The following SHROOM2 variants were observed in gnomAD, a reference collection of about 807,000 sequenced individuals.
The protein encoded by SHROOM2 is shroom family member 2.
A neutral mutation model predicts 75.9 loss-of-function variants in SHROOM2; 33 were observed. The ratio of observed to expected loss-of-function variants is 0.43; its 90% CI spans 0.33 to 0.58. SHROOM2 has a LOEUF of 0.58. Among genes scored for constraint, SHROOM2 ranks in the 20% least tolerant of loss-of-function variants. The pLI, the probability that SHROOM2 is intolerant of heterozygous loss-of-function variation, is 0.04. For missense variants in SHROOM2, 1,434 were observed against 1,461.2 expected (o/e 0.98, Z 0.30); for synonymous variants, 655 against 663.6 (o/e 0.99, Z 0.20).
intron 1 of SHROOM2, among the ~76,000 whole-genome samples, chrX:9,828,636 A>T (rs1407551289): frequency 9.3e-6 from 1 of 108,108 alleles, no homozygotes; most frequent in Non-Finnish European, 1.9e-5. Context: ...AGTTAATGTT[A>T]TTTTTTTTTG....
intron 5 of SHROOM2, among the ~76,000 whole-genome samples, chrX:9,928,952 A>ATC (rs1660489755): frequency 1.8e-5 from 2 of 112,807 alleles, no homozygotes; most frequent in South Asian, 7.3e-4. Context: ...TACAACATGC[A>ATC]TCTACACACA....
rs1234685192 is a variant in SHROOM2, at chrX:9,786,943, C to T, written c.165+233C>T. 2.7e-5 allele frequency among the ~76,000 whole-genome samples: 3 copies of T among 111,770 alleles called. No individual in the cohort carries two copies. In the East Asian group the frequency reaches 8.6e-4, roughly 32 times the overall value. Reference sequence around the variant, plus strand: ...CTCCTGCCCGGAGTCCCTTTCCCCTCCCCCTCCCTCCTCCGGGCAGGGGCC... The same window carrying T: ...CTCCTGCCCGGAGTCCCTTTCCCCTTCCCCTCCCTCCTCCGGGCAGGGGCC... On this transcript the variant is annotated intron_variant, in intron 1 of 9. Transcript: ENST00000380913.
At chrX:9,825,619 G>T (rs760619186) in intron 1 of SHROOM2, among the ~76,000 whole-genome samples, 1 of 112,213 alleles carries the variant, frequency 8.9e-6, no homozygotes, top group South Asian at 3.7e-4. Flanking sequence ...AGTCTGCACG[G>T]CCCTTGGGAA....
intron 5 of SHROOM2, among the ~76,000 whole-genome samples, chrX:9,914,550 A>T (rs2084469002): frequency 9.0e-6 from 1 of 111,087 alleles, no homozygotes; most frequent in African/African-American, 3.3e-5. Flanking sequence ...TTCCTAGAGC[A>T]AGTAAGACAG....
At chrX:9,877,613 C>CT (rs1184798627) in intron 2 of SHROOM2, among the ~76,000 whole-genome samples, 21 of 111,853 alleles carry the variant, frequency 1.9e-4, no homozygotes, top group African/African-American at 6.5e-4. Flanking sequence ...CTGGAGAGTC[C>CT]TGGGCAGGTC....
In SHROOM2 at chrX:9,935,709, C is replaced by T. The variant is rs2084696957; in HGVS notation, c.3588-1425C>T. Among the ~76,000 whole-genome samples the T allele has an allele frequency of 2.7e-5, 3 of 111,571 alleles. No individual in the cohort carries two copies. In the South Asian group the frequency reaches 1.1e-3, roughly 42 times the overall value. ...AGAGCCCTCCTGCATTCCCAGTCAC[C>T]AGTGAAAGAGGGAAAAACAGCATTA... On this transcript the variant is annotated intron_variant, in intron 6 of 9. Coordinates refer to ENST00000380913, the MANE Select transcript of SHROOM2 (RefSeq NM_001649.4).
chrX:9,845,742 T>C (rs2084002934), intron 1 of SHROOM2, among the ~76,000 whole-genome samples: 1 of 108,850 alleles, frequency 9.2e-6, no homozygotes, highest in African/African-American at 3.4e-5. Flanking sequence ...CAGTCCCTCT[T>C]CATGAGTTGA....
Position 9,926,347 on chromosome X carries a change from A to G in SHROOM2, c.2892-5828A>G, listed in dbSNP as rs749696715. Among the ~76,000 whole-genome samples the G allele has an allele frequency of 9.9e-5, 11 of 111,461 alleles. No homozygotes were observed. The East Asian group carries it at 2.8e-3, about 29-fold the overall frequency. ...AATCTTAAATGCTTCAAAGTTCAAAACTTTTTGAGCACCAACATGATGCCA... is the reference window on the plus strand; with the variant it reads ...AATCTTAAATGCTTCAAAGTTCAAAGCTTTTTGAGCACCAACATGATGCCA... On this transcript the variant is annotated intron_variant, in intron 5 of 9. Transcript: ENST00000380913.
At position 9,896,142 on chromosome X, in the gene SHROOM2, C is replaced by G; in HGVS notation, c.2234C>G (p.Pro745Arg). ...TCATCTACAAGTGGCGGGCCCCACC[C>G]GCCCCGCATCGGAGGCCGGAGACGG... ...PPSSTSGGPH[P>R]PRIGGRRRFT... The change falls in exon 4 of 10, where the codon CCG becomes CGG. Residue 745 changes from proline to arginine, a missense_variant. By Grantham distance (103) the Pro-to-Arg change is moderately radical. This residue lies in a region of SHROOM2 where 1,340 missense variants were observed against 1,338.3 expected (regional missense o/e 1.00). Coordinates refer to ENST00000380913, the MANE Select transcript of SHROOM2 (RefSeq NM_001649.4). The G allele has an allele frequency of 8.3e-7, 1 of 1,207,147 alleles. No individual in the cohort carries two copies.
Position 9,932,252 on chromosome X carries a change from C to T in SHROOM2, c.2969C>T (p.Pro990Leu), listed in dbSNP as rs757290738. ...HPPSQKAPNP[P>L]TFSELSHCRG... ...CCGAGTCAGAAGGCACCGAACCCAC[C>T]CACATTCTCTGAACTATCTCACTGC... Residue 990 changes from proline (P) to leucine (L), a missense_variant, in exon 6 of 10, where the codon CCC becomes CTC. This residue lies in a region of SHROOM2 where 1,340 missense variants were observed against 1,338.3 expected (regional missense o/e 1.00). Transcript: ENST00000380913. The T allele has an allele frequency of 8.4e-7, 1 of 1,186,456 alleles. No individual in the cohort carries two copies. Among genetic ancestry groups the T allele is most frequent in the South Asian group, 1.9e-5 (1 of 53,657 alleles).
At chrX:9,818,132 C>T (rs2083832903) in intron 1 of SHROOM2, 1 of 131,481 alleles carries the variant, frequency 7.6e-6, no homozygotes, top group African/African-American at 3.2e-5. Context: ...TATAGTGTAG[C>T]TTGATGTTAA....
intron 6 of SHROOM2, among the ~76,000 whole-genome samples, chrX:9,936,408 G>C (rs1382432531): frequency 5.4e-5 from 6 of 111,409 alleles, no homozygotes; most frequent in African/African-American, 2.0e-4. Flanking sequence ...CACCACATCT[G>C]GCTGACACTT....
intron 1 of SHROOM2, among the ~76,000 whole-genome samples, chrX:9,799,270 C>T (rs766982199): frequency 4.1e-5 from 4 of 97,922 alleles, no homozygotes; most frequent in Non-Finnish European, 7.8e-5. Flanking sequence ...CCGGTTCAAG[C>T]AATTTTCGTG....
In SHROOM2 at chrX:9,946,998, G is replaced by A. The variant is rs2084827469; in HGVS notation, c.*61G>A. 2 of 1,074,672 alleles carry A rather than the reference G, an allele frequency of 1.9e-6. No homozygotes were observed. The highest frequency in any genetic ancestry group is 1.9e-5 in the African/African-American group (1 of 53,780). 88.6% of individuals were successfully genotyped at this position (1,074,672 alleles called of 1,213,427 possible). A position where few individuals can be genotyped will look rare whatever the true frequency, so the allele number is the denominator to read the frequency against. ...TCCGAGCTCCAGCTCCGTTCCCAAG[G>A]ATACTCGTGAAGACCCCATCTGTGT... On this transcript the variant is annotated 3_prime_UTR_variant, in exon 10 of 10. Transcript: ENST00000380913.
rs773629024 is a variant in SHROOM2, at chrX:9,918,094, G to A, written c.2892-14081G>A. ...TGTTTGCCCCTATGTTTTAATCACCGCTAGGATCAGAAGAACTGCAGTCTC... is the reference window on the plus strand; with the variant it reads ...TGTTTGCCCCTATGTTTTAATCACCACTAGGATCAGAAGAACTGCAGTCTC... On this transcript the variant is annotated intron_variant, in intron 5 of 9. Transcript: ENST00000380913. 1.1e-4 allele frequency among the ~76,000 whole-genome samples: 12 copies of A among 111,688 alleles called. No homozygotes were observed. The Admixed American group carries it at 1.1e-3, about 11-fold the overall frequency.
At position 9,932,156 on chromosome X, in the gene SHROOM2, G is replaced by A; in HGVS notation, c.2892-19G>A. On this transcript the variant is annotated intron_variant, in intron 5 of 9. Coordinates refer to ENST00000380913, the MANE Select transcript of SHROOM2 (RefSeq NM_001649.4). The stretch of plus-strand genomic sequence containing the variant: ...TATTATTGGAATCGTTGATTAATTT[G>A]TACTTGTTCTTCCTCTAGACAAGCA... 1 of 1,117,511 alleles carries A rather than the reference G, an allele frequency of 8.9e-7. No individual in the cohort carries two copies. Among genetic ancestry groups the A allele is most frequent in the Non-Finnish European group, 1.2e-6 (1 of 845,590 alleles). The allele number at this position is 1,117,511 out of a possible 1,213,427, so 92.1% of individuals were successfully genotyped here. A position where few individuals can be genotyped will look rare whatever the true frequency, so the allele number is the denominator to read the frequency against.
At chrX:9,889,744 G>A (rs1448581345) in intron 2 of SHROOM2, among the ~76,000 whole-genome samples, 1 of 111,858 alleles carries the variant, frequency 8.9e-6, no homozygotes, top group African/African-American at 3.3e-5. Context: ...TGACTCCCTG[G>A]GGGGATCTTT....
At position 9,894,734 on chromosome X, in the gene SHROOM2, A is replaced by G; in HGVS notation, c.826A>G (p.Ser276Gly). ...SCFPPRVPGD[S>G]GKGPRPEYNA... is the part of the protein sequence containing the mutation. ...TTTCCCGCCCAGGGTCCCCGGTGAC[A>G]GCGGCAAAGGCCCCAGGCCAGAGTA... The change falls in exon 4 of 10, where the codon AGC becomes GGC. Residue 276 changes from serine (S) to glycine (G), a missense_variant. This residue lies in a region of SHROOM2 where 1,340 missense variants were observed against 1,338.3 expected (regional missense o/e 1.00). Transcript: ENST00000380913. The G allele has an allele frequency of 8.3e-7, 1 of 1,211,216 alleles. No homozygotes were observed. Among genetic ancestry groups the G allele is most frequent in the Non-Finnish European group, 1.1e-6 (1 of 895,223 alleles).
At chrX:9,937,821 C>A in intron 7 of SHROOM2, 136 bp downstream of exon 7, 1 of 567,492 alleles carries the variant, frequency 1.8e-6, no homozygotes, top group Non-Finnish European at 2.7e-6. Flanking sequence ...CTCCTCGATG[C>A]TTAGCACTTT....
Sources: gnomAD v4.1 joint callset for allele counts (sites outside exome capture counted in the v4.1 genomes callset) on GRCh38, gnomAD v4.1.1 for gene constraint, gnomAD v4.1.1 regional missense constraint, MANE v1.5 for transcripts, NCBI Gene and HGNC (gene_info 2026-07-23, HGNC 2026-07-21) for gene names.